The following GLS2 variants were observed in gnomAD, a reference collection of about 807,000 sequenced individuals.
The protein encoded by GLS2 is glutaminase liver isoform, mitochondrial.
A neutral mutation model predicts 79.0 loss-of-function variants in GLS2; 52 were observed. That is an observed-to-expected ratio of 0.66 (90% CI 0.53 to 0.83). The LOEUF is 0.83. Among genes scored for constraint, GLS2 ranks in the 40% least tolerant of loss-of-function variants. GLS2 has a pLI of 0.00. For missense variants in GLS2, 561 were observed against 764.8 expected (o/e 0.73, Z 3.14); for synonymous variants, 238 against 280.8 (o/e 0.85, Z 1.52).
chr12:56,475,452 T>C (rs1039606223), intron 9 of GLS2, 172 bp downstream of exon 9: 17 of 727,544 alleles, frequency 2.3e-5, no homozygotes, highest in Non-Finnish European at 3.6e-5. Context: ...AACAAATTAT[T>C]TTACAAGATA....
chr12:56,475,352 T>C, intron 9 of GLS2: 1 of 1,090,210 alleles, frequency 9.2e-7, no homozygotes, highest in Non-Finnish European at 1.3e-6. Context: ...GGAAAACTGG[T>C]GAAGTTTTTG....
intron 1 of GLS2, among the ~76,000 whole-genome samples, chr12:56,486,209 C>T (rs1005160060): frequency 2.0e-5 from 3 of 152,064 alleles, no homozygotes; most frequent in African/African-American, 7.2e-5. Context: ...GCCTGGGGAG[C>T]ACCAGTCCGA....
At chr12:56,472,412 C>T in intron 15 of GLS2, 1 of 607,316 alleles carries the variant, frequency 1.6e-6, no homozygotes, top group Non-Finnish European at 2.9e-6. Flanking sequence ...ATATCACTCA[C>T]TGCCTACCTG....
At position 56,474,325 on chromosome 12, in the gene GLS2, G is replaced by A. The variant is rs974174155; in HGVS notation, c.1224+219C>T. On this transcript the variant is annotated intron_variant, in intron 12 of 17. Coordinates refer to ENST00000311966, the MANE Select transcript of GLS2 (RefSeq NM_013267.4). ...GCTGGTCTCGAACTCCTGACCTCAG[G>A]TGATCCACCTGCCTCGGCCTCCCAA... 8 of 563,626 alleles carry A rather than the reference G, an allele frequency of 1.4e-5. No individual in the cohort carries two copies. In the East Asian group the frequency reaches 1.9e-4, roughly 14 times the overall value. The allele number at this position is 563,626 out of a possible 1,614,324, so 34.9% of individuals were successfully genotyped here.
At chr12:56,474,917 A>G in intron 10 of GLS2, 21 bp from the exon 11 acceptor site, 1 of 1,614,068 alleles carries the variant, frequency 6.2e-7, no homozygotes, top group Non-Finnish European at 8.5e-7. Flanking sequence ...GAGAGGGGAG[A>G]GCATTTCTCT....
rs1380146253 is a variant in GLS2 at position 56,478,274 on chromosome 12, T to C, written c.535-12A>G. 6.2e-7 allele frequency: 1 copy of C among 1,613,000 alleles called. No individual in the cohort carries two copies. Among genetic ancestry groups the C allele is most frequent in the Non-Finnish European group, 8.5e-7 (1 of 1,179,400 alleles). On this transcript the variant is annotated splice_polypyrimidine_tract_variant and intron_variant, in intron 4 of 17. Transcript: ENST00000311966. ...ATGTAGGCTGCCACCTGGACATGAG[T>C]GGGTAGAGAAAAGGGAGATGGATGT...
At chr12:56,486,461 T>C (rs997693167) in intron 1 of GLS2, among the ~76,000 whole-genome samples, 2 of 152,196 alleles carry the variant, frequency 1.3e-5, no homozygotes, top group Non-Finnish European at 2.9e-5. Context: ...GGAGAGGGCT[T>C]ATCCTTTAAA....
intron 1 of GLS2, among the ~76,000 whole-genome samples, chr12:56,481,498 G>A (rs1335290412): frequency 2.7e-5 from 4 of 147,282 alleles, no homozygotes; most frequent in Admixed American, 6.8e-5. Flanking sequence ...GAGCCACCAC[G>A]CCCAGTCAAA....
chr12:56,482,103 C>T (rs1870347882), intron 1 of GLS2, among the ~76,000 whole-genome samples: 1 of 151,760 alleles, frequency 6.6e-6, no homozygotes, highest in Admixed American at 6.6e-5. Context: ...TGGTGGTGGG[C>T]TTCTGTAATC....
chr12:56,472,849 G>A (rs1869416524), intron 14 of GLS2, 98 bp from the exon 15 acceptor site: 1 of 940,588 alleles, frequency 1.1e-6, no homozygotes, highest in Non-Finnish European at 1.7e-6. Flanking sequence ...CAAGGGTATT[G>A]CTGAAGTGTT....
rs986557435 is a variant in GLS2, at chr12:56,474,359, CTT to C, written c.1224+183_1224+184del. On this transcript the variant is annotated intron_variant, in intron 12 of 17. Coordinates refer to ENST00000311966, the MANE Select transcript of GLS2 (RefSeq NM_013267.4). ...CTGCCTCGGCCTCCCAAAGACATCT[CTT>C]TATATATTCGAGGAACTTGGTGTTT... The C allele has an allele frequency of 8.5e-6, 6 of 705,872 alleles. No individual in the cohort carries two copies. The African/African-American group carries it at 1.1e-4, about 13-fold the overall frequency. 43.7% of individuals were successfully genotyped at this position (705,872 alleles called of 1,614,324 possible).
chr12:56,478,986 GAAAAAA>G, intron 4 of GLS2, 60 bp downstream of exon 4: 58 of 1,354,228 alleles, frequency 4.3e-5, no homozygotes, highest in Middle Eastern at 2.6e-4. Context: ...TCTGTCTCAG[GAAAAAA>G]AAAAAAAAAA....
intron 16 of GLS2, 90 bp downstream of exon 16, chr12:56,472,029 C>T (rs754952784): frequency 5.6e-6 from 8 of 1,439,278 alleles, no homozygotes; most frequent in Non-Finnish European, 7.8e-6. Flanking sequence ...GCCCCTATAA[C>T]CTTGAGGGCA....
chr12:56,471,404 T>G lies in GLS2; in HGVS notation c.*83A>C. ...GGTCCCCACTGAAGCAGTGTAGCTC[T>G]CCATAGTATTTTTGGTGGTTATGGA... On this transcript the variant is annotated 3_prime_UTR_variant, in exon 18 of 18. Transcript: ENST00000311966. 7.0e-7 allele frequency: 1 copy of G among 1,429,526 alleles called. No homozygotes were observed. The highest frequency in any genetic ancestry group is 2.3e-5 in the East Asian group (1 of 43,500). 88.6% of individuals were successfully genotyped at this position (1,429,526 alleles called of 1,614,324 possible). A position where few individuals can be genotyped will look rare whatever the true frequency, so the allele number is the denominator to read the frequency against.
chr12:56,473,643 A>G, intron 12 of GLS2, 49 bp from the exon 13 acceptor site: 1 of 1,569,386 alleles, frequency 6.4e-7, no homozygotes, highest in Non-Finnish European at 8.7e-7. Context: ...GCCCCAAATC[A>G]GAAAATAAAC....
intron 16 of GLS2, 64 bp downstream of exon 16, chr12:56,472,055 C>G: frequency 1.3e-6 from 2 of 1,557,532 alleles, no homozygotes; most frequent in Non-Finnish European, 1.8e-6. Context: ...AATGAAGGTA[C>G]TTTTGGTGAA....
At position 56,471,105 on chromosome 12, in the gene GLS2, T is replaced by C; in HGVS notation, c.*382A>G. 1 of 370,860 alleles carries C rather than the reference T, an allele frequency of 2.7e-6. No individual in the cohort carries two copies. Among genetic ancestry groups the C allele is most frequent in the Non-Finnish European group, 4.8e-6 (1 of 208,876 alleles). 23.0% of individuals were successfully genotyped at this position (370,860 alleles called of 1,614,324 possible). A position where few individuals can be genotyped will look rare whatever the true frequency, so the allele number is the denominator to read the frequency against. ...ATAGCCATTCCCACTTCCCATATTC[T>C]GTGGATATGTACATGTGCATGGTAG... is the stretch of plus-strand genomic sequence containing the variant. On this transcript the variant is annotated 3_prime_UTR_variant, in exon 18 of 18. Transcript: ENST00000311966.
intron 1 of GLS2, among the ~76,000 whole-genome samples, chr12:56,486,107 G>A (rs1198352172): frequency 6.6e-6 from 1 of 151,288 alleles, no homozygotes; most frequent in Non-Finnish European, 1.5e-5. Flanking sequence ...CCTCTTTGCT[G>A]CTCTCTTTCC....
rs371307227 is a variant in GLS2, at chr12:56,477,893, G to A, written c.778+40C>T. ...AGATGGGGTGGGGATAAGGAGAAGG[G>A]GACAGCTGTAAGTACGGTCTGAGCC... is the stretch of plus-strand genomic sequence containing the variant. On this transcript the variant is annotated intron_variant, in intron 6 of 17. Coordinates refer to ENST00000311966, the MANE Select transcript of GLS2 (RefSeq NM_013267.4). 122 of 1,593,826 alleles carry A rather than the reference G, an allele frequency of 7.7e-5. No individual in the cohort carries two copies. The South Asian group carries it at 1.2e-3, about 16-fold the overall frequency.
Sources: allele counts gnomAD v4.1 joint callset (sites outside exome capture counted in the v4.1 genomes callset), GRCh38; gene constraint gnomAD v4.1.1; transcripts MANE v1.5; gene names NCBI Gene and HGNC (gene_info 2026-07-23, HGNC 2026-07-21).